CUEDC1: variants seen among roughly 807,000 people sequenced by gnomAD.
CUEDC1 encodes CUE domain containing 1, also known as CUE domain-containing protein 1.
CUEDC1 carries 30 observed loss-of-function variants against 43.7 expected under a neutral mutation model. That is an observed-to-expected ratio of 0.69 (90% CI 0.51 to 0.93). The LOEUF is 0.93. CUEDC1 is among the 40% of genes least tolerant of loss of function. The probability of loss-of-function intolerance (pLI) is 0.00; values close to 1 mark genes in which losing one functional copy is unlikely to be tolerated. For synonymous variants in CUEDC1, 223 were observed against 223.6 expected (o/e 1.00, Z 0.02); for missense variants, 486 against 549.0 (o/e 0.89, Z 1.15).
chr17:57,923,868 C>T (rs763110191), intron 1 of CUEDC1, among the ~76,000 whole-genome samples: 1 of 152,212 alleles, frequency 6.6e-6, no homozygotes, highest in Non-Finnish European at 1.5e-5. Context: ...AGGCGGGCAT[C>T]ATCATCTTTA....
At chr17:57,902,822 C>T (rs998571029) in intron 1 of CUEDC1, among the ~76,000 whole-genome samples, 2 of 152,196 alleles carry the variant, frequency 1.3e-5, no homozygotes, top group African/African-American at 4.8e-5. Flanking sequence ...ATGCCATCCT[C>T]ACAACAATCC....
chr17:57,911,896 A>C (rs778394596), intron 1 of CUEDC1, among the ~76,000 whole-genome samples: 20 of 152,238 alleles, frequency 1.3e-4, no homozygotes, highest in Admixed American at 9.8e-4. Flanking sequence ...AGGTGAACTG[A>C]ATCTGTTTCA....
chr17:57,903,557 G>A (rs183159434), intron 1 of CUEDC1, among the ~76,000 whole-genome samples: 1 of 152,194 alleles, frequency 6.6e-6, no homozygotes, highest in East Asian at 1.9e-4. Context: ...GCTTAGACAG[G>A]CCACCTGCAG....
chr17:57,863,676 T>C (rs2073913534), intron 10 of CUEDC1, among the ~76,000 whole-genome samples: 1 of 152,096 alleles, frequency 6.6e-6, no homozygotes, highest in South Asian at 2.1e-4. Context: ...TTGGTAGGAC[T>C]CAGACACCAG....
chr17:57,871,436 G>A (rs1286684006), intron 5 of CUEDC1, 67 bp from the exon 6 acceptor site: 1 of 1,357,356 alleles, frequency 7.4e-7, no homozygotes, highest in Non-Finnish European at 1.1e-6. Flanking sequence ...AGGCTGGGCT[G>A]GGACACGGTA....
Position 57,885,344 on chromosome 17 carries a change from C to A in CUEDC1, c.221G>T (p.Ser74Ile), listed in dbSNP as rs766507078. 1.2e-6 allele frequency: 2 copies of A among 1,612,198 alleles called. No individual in the cohort carries two copies. The highest frequency in any genetic ancestry group is 4.5e-5 in the East Asian group (2 of 44,854). ...DIIECVLRAN[S>I]GAVDATIDQL... ...GTCGATGGTGGCGTCCACAGCGCCG[C>A]TGTTGGCGCGCAGCACGCATTCGAT... Residue 74 changes from serine (S) to isoleucine (I), a missense_variant, in exon 2 of 11, where the codon AGC becomes ATC. Coordinates refer to ENST00000577830, the MANE Select transcript of CUEDC1 (RefSeq NM_001271875.2).
chr17:57,943,416 C>T (rs1231949943), intron 1 of CUEDC1, among the ~76,000 whole-genome samples: 2 of 152,160 alleles, frequency 1.3e-5, no homozygotes, highest in African/African-American at 2.4e-5. Flanking sequence ...GGAAGTCACC[C>T]GAGTTCCCAT....
chr17:57,928,326 G>C (rs2074768514), intron 1 of CUEDC1, among the ~76,000 whole-genome samples: 1 of 152,088 alleles, frequency 6.6e-6, no homozygotes, highest in African/African-American at 2.4e-5. Context: ...GAGGTGGGCG[G>C]ATCACCAGGT....
At chr17:57,899,032 T>C (rs1401744952) in intron 1 of CUEDC1, among the ~76,000 whole-genome samples, 1 of 152,102 alleles carries the variant, frequency 6.6e-6, no homozygotes, top group Non-Finnish European at 1.5e-5. Context: ...AAATGCCTTC[T>C]CTGGCAGCTG....
At chr17:57,932,633 G>A (rs1174950116) in intron 1 of CUEDC1, among the ~76,000 whole-genome samples, 1 of 147,238 alleles carries the variant, frequency 6.8e-6, no homozygotes, top group African/African-American at 2.6e-5. Context: ...GGGCCAAGGT[G>A]GTTGGATCAT....
intron 10 of CUEDC1, among the ~76,000 whole-genome samples, chr17:57,864,452 C>G (rs2073927086): frequency 6.6e-6 from 1 of 152,078 alleles, no homozygotes; most frequent in African/African-American, 2.4e-5. Context: ...GGCGGAGCAA[C>G]AGGAGCCAGG....
chr17:57,867,516 G>A (rs2073977541), intron 8 of CUEDC1, 101 bp from the exon 9 acceptor site: 3 of 1,096,214 alleles, frequency 2.7e-6, no homozygotes, highest in Non-Finnish European at 4.0e-6. Flanking sequence ...AGCTCTGGAG[G>A]TACCTGACAC....
intron 3 of CUEDC1, among the ~76,000 whole-genome samples, chr17:57,879,049 CCA>C (rs2074167959): frequency 6.6e-6 from 1 of 152,342 alleles, no homozygotes; most frequent in East Asian, 1.9e-4. Flanking sequence ...CTCCCTGCCT[CCA>C]GTTATCAAAC....
intron 1 of CUEDC1, among the ~76,000 whole-genome samples, chr17:57,947,641 A>C (rs2143236447): frequency 6.6e-6 from 1 of 152,092 alleles, no homozygotes; most frequent in African/African-American, 2.4e-5. Context: ...TTTACTAAAA[A>C]CACAAAAAAA....
In CUEDC1 at chr17:57,878,007, C is replaced by T. The variant is rs1047473762; in HGVS notation, c.464+1604G>A. ...ACCCACCCACTCATTCCCCACCTCCCACTCCAGTACAGCCTGCCAGCTCCT... is the reference window on the plus strand; with the variant it reads ...ACCCACCCACTCATTCCCCACCTCCTACTCCAGTACAGCCTGCCAGCTCCT... On this transcript the variant is annotated intron_variant, in intron 3 of 10. Coordinates refer to ENST00000577830, the MANE Select transcript of CUEDC1 (RefSeq NM_001271875.2). Among the ~76,000 whole-genome samples the T allele has an allele frequency of 4.1e-4, 63 of 152,254 alleles. 1 individual carries two copies. Among genetic ancestry groups the T allele is most frequent in the African/African-American group, 1.4e-3 (60 of 41,532 alleles).
intron 1 of CUEDC1, among the ~76,000 whole-genome samples, chr17:57,895,917 C>A (rs1190822480): frequency 6.6e-6 from 1 of 152,226 alleles, no homozygotes; most frequent in Non-Finnish European, 1.5e-5. Flanking sequence ...CCTCCCTGGG[C>A]TTCTCCTATA....
intron 1 of CUEDC1, among the ~76,000 whole-genome samples, chr17:57,886,120 C>T (rs990518878): frequency 6.6e-6 from 1 of 152,220 alleles, no homozygotes; most frequent in Non-Finnish European, 1.5e-5. Flanking sequence ...ATCCTAAGTG[C>T]TCTATGTGGG....
intron 1 of CUEDC1, among the ~76,000 whole-genome samples, chr17:57,924,081 GCA>G (rs1343483920): frequency 6.6e-6 from 1 of 151,416 alleles, no homozygotes; most frequent in Non-Finnish European, 1.5e-5. Flanking sequence ...GGTTCTACAG[GCA>G]CACACCACTG....
At chr17:57,877,556 T>C (rs1000519095) in intron 3 of CUEDC1, among the ~76,000 whole-genome samples, 1 of 150,024 alleles carries the variant, frequency 6.7e-6, no homozygotes, top group African/African-American at 2.5e-5. Context: ...ACTGAACTTT[T>C]TGCAAAAGTG....
Sources: allele counts gnomAD v4.1 joint callset (sites outside exome capture counted in the v4.1 genomes callset), GRCh38; gene constraint gnomAD v4.1.1; transcripts MANE v1.5; gene names NCBI Gene and HGNC (gene_info 2026-07-23, HGNC 2026-07-21).